PPP1R12B: variants seen among roughly 807,000 people sequenced by gnomAD.
PPP1R12B encodes the protein protein phosphatase 1 regulatory subunit 12B.
A neutral mutation model predicts 126.1 loss-of-function variants in PPP1R12B; 76 were observed. The observed-to-expected ratio is 0.60, with a 90% confidence interval of 0.50 to 0.73. The LOEUF (loss-of-function observed/expected upper bound fraction) is 0.73, where lower values mean the gene tolerates loss of function less well. Ranked by LOEUF, PPP1R12B falls within the 30% of genes least tolerant of loss-of-function variation. PPP1R12B has a pLI of 0.00. For missense variants in PPP1R12B, 1,052 were observed against 1,205.1 expected (o/e 0.87, Z 1.88); for synonymous variants, 356 against 434.7 (o/e 0.82, Z 2.25).
chr1:202,461,174 A>AGT lies in PPP1R12B; in HGVS notation c.1850+12005_1850+12006dup, dbSNP rs569466369. ...AGCTCAAGACCAGCCTGGGCAATAT[A>AGT]GTGAGATCCCCATCTCTTTAAAAAA... On this transcript the variant is annotated intron_variant, in intron 13 of 23. Transcript: ENST00000608999. Among the ~76,000 whole-genome samples, 23 of 151,460 alleles carry AGT rather than the reference A, an allele frequency of 1.5e-4. No homozygotes were observed. In the South Asian group the frequency reaches 4.6e-3, roughly 30 times the overall value.
At chr1:202,441,011 G>C (rs1051501759) in intron 11 of PPP1R12B, among the ~76,000 whole-genome samples, 2 of 151,962 alleles carry the variant, frequency 1.3e-5, no homozygotes, top group East Asian at 3.9e-4. Context: ...CCTTCTTTAG[G>C]AAGTCTTCCC....
intron 1 of PPP1R12B, among the ~76,000 whole-genome samples, chr1:202,403,122 A>C (rs1221648757): frequency 6.6e-6 from 1 of 152,216 alleles, no homozygotes; most frequent in Non-Finnish European, 1.5e-5. Context: ...AATACAAATT[A>C]ATAAAGAAGG....
At chr1:202,372,330 C>T (rs575150743) in intron 1 of PPP1R12B, among the ~76,000 whole-genome samples, 3 of 150,936 alleles carry the variant, frequency 2.0e-5, no homozygotes, top group East Asian at 2.0e-4. Flanking sequence ...AAAGCAAGAC[C>T]CCATCTCTAG....
At chr1:202,360,407 C>G (rs1657949521) in intron 1 of PPP1R12B, among the ~76,000 whole-genome samples, 1 of 152,008 alleles carries the variant, frequency 6.6e-6, no homozygotes, top group Non-Finnish European at 1.5e-5. Context: ...TACCAGTGAT[C>G]AGCTTAAAAA....
chr1:202,576,468 T>A (rs1278772972), intron 23 of PPP1R12B: 1 of 152,302 alleles, frequency 6.6e-6, no homozygotes, highest in East Asian at 1.9e-4. Context: ...ACCCGAATTA[T>A]CATAGGGCTG....
At chr1:202,402,606 C>T (rs1406814054) in intron 1 of PPP1R12B, among the ~76,000 whole-genome samples, 2 of 152,186 alleles carry the variant, frequency 1.3e-5, no homozygotes, top group Admixed American at 1.3e-4. Flanking sequence ...ACTGTTAAGG[C>T]CTAGCAGAAA....
intron 1 of PPP1R12B, among the ~76,000 whole-genome samples, chr1:202,413,951 A>T (rs1349528721): frequency 6.6e-6 from 1 of 151,904 alleles, no homozygotes; most frequent in Non-Finnish European, 1.5e-5. Flanking sequence ...TTTGAGACAC[A>T]GTCTCTGTGG....
chr1:202,458,699 A>G (rs530982021), intron 13 of PPP1R12B, among the ~76,000 whole-genome samples: 1 of 152,362 alleles, frequency 6.6e-6, no homozygotes, highest in South Asian at 2.1e-4. Context: ...TTTTGAAAAC[A>G]GCTAAATTTT....
chr1:202,405,125 G>T (rs1462481543), intron 1 of PPP1R12B, among the ~76,000 whole-genome samples: 2 of 152,176 alleles, frequency 1.3e-5, no homozygotes, highest in Non-Finnish European at 2.9e-5. Flanking sequence ...GGTAATGTGA[G>T]TCAGTGTCAG....
intron 10 of PPP1R12B, 143 bp downstream of exon 10, chr1:202,438,167 G>C (rs1671076419): frequency 1.9e-6 from 3 of 1,560,226 alleles, no homozygotes; most frequent in Non-Finnish European, 2.6e-6. Context: ...GAGGCACACT[G>C]ATAGTTTATT....
Position 202,348,739 on chromosome 1 carries a change from T to A in PPP1R12B, c.-113T>A. On this transcript the variant is annotated 5_prime_UTR_variant, in exon 1 of 24. Transcript: ENST00000608999. ...AGGAGTAAAGATGGCGGCGCGAGGG[T>A]CTCCGCCCTCTGCTCCGGGCTGAAG... 1 of 1,341,026 alleles carries A rather than the reference T, an allele frequency of 7.5e-7. No individual in the cohort carries two copies. Among genetic ancestry groups the A allele is most frequent in the Non-Finnish European group, 9.9e-7 (1 of 1,005,570 alleles). 83.1% of individuals were successfully genotyped at this position (1,341,026 alleles called of 1,614,324 possible).
chr1:202,377,655 T>G (rs1661419038), intron 1 of PPP1R12B, among the ~76,000 whole-genome samples: 1 of 151,670 alleles, frequency 6.6e-6, no homozygotes, highest in South Asian at 2.1e-4. Context: ...TTGGATGGAT[T>G]GATTGGAGGA....
chr1:202,589,793 G>A lies in PPP1R12B; in HGVS notation c.*9233G>A, dbSNP rs1352885901. On this transcript the variant is annotated 3_prime_UTR_variant, in exon 24 of 24. Coordinates refer to ENST00000608999, the MANE Select transcript of PPP1R12B (RefSeq NM_002481.4). ...CAGCAAGACAGGATAGATGTTAAAGGATCTGGGCTCATGCTCCCTCAGGTG... is the reference window on the plus strand; with the variant it reads ...CAGCAAGACAGGATAGATGTTAAAGAATCTGGGCTCATGCTCCCTCAGGTG... The A allele has an allele frequency of 1.3e-5, 2 of 152,258 alleles. No individual in the cohort carries two copies. The highest frequency in any genetic ancestry group is 2.4e-5 in the African/African-American group (1 of 41,426). 9.4% of individuals were successfully genotyped at this position (152,258 alleles called of 1,614,324 possible).
chr1:202,514,083 T>TTTTTC (rs538396667), intron 18 of PPP1R12B, among the ~76,000 whole-genome samples: 2 of 151,682 alleles, frequency 1.3e-5, no homozygotes, highest in African/African-American at 4.9e-5. Context: ...TTTGTTTTGT[T>TTTTTC]TTTTCTTTTC....
intron 15 of PPP1R12B, 76 bp downstream of exon 15, chr1:202,493,393 G>T (rs1679148818): frequency 7.0e-7 from 1 of 1,436,440 alleles, no homozygotes; most frequent in East Asian, 2.5e-5. Context: ...TTCACTGGTA[G>T]TTCAAAGGCT....
At chr1:202,487,215 G>A (rs967930037) in intron 13 of PPP1R12B, among the ~76,000 whole-genome samples, 11 of 152,266 alleles carry the variant, frequency 7.2e-5, no homozygotes, top group African/African-American at 2.2e-4. Context: ...GGGAAGAATA[G>A]CATGTGATAA....
intron 13 of PPP1R12B, among the ~76,000 whole-genome samples, chr1:202,469,996 G>A (rs1025109051): frequency 5.3e-4 from 81 of 152,154 alleles, no homozygotes; most frequent in Non-Finnish European, 5.4e-4. Flanking sequence ...GTTAAGAACC[G>A]CAGGTTTAAG....
chr1:202,408,006 A>G (rs1205709282), intron 1 of PPP1R12B, among the ~76,000 whole-genome samples: 1 of 152,212 alleles, frequency 6.6e-6, no homozygotes, highest in Non-Finnish European at 1.5e-5. Context: ...AATAATCTAG[A>G]GATGATTTAA....
chr1:202,536,022 T>C (rs1684492555), intron 18 of PPP1R12B, among the ~76,000 whole-genome samples: 1 of 152,240 alleles, frequency 6.6e-6, no homozygotes, highest in African/African-American at 2.4e-5. Context: ...AGATCTGTTT[T>C]TACTTTACTT....
Sources: gnomAD v4.1 joint callset for allele counts (sites outside exome capture counted in the v4.1 genomes callset) on GRCh38, gnomAD v4.1.1 for gene constraint, MANE v1.5 for transcripts, NCBI Gene and HGNC (gene_info 2026-07-23, HGNC 2026-07-21) for gene names.